Variants in PDE8A observed in about 807,000 individuals in gnomAD.
The protein encoded by PDE8A is phosphodiesterase 8A.
PDE8A carries 59 observed loss-of-function variants against 105.0 expected under a neutral mutation model. The observed-to-expected ratio is 0.56, with a 90% CI of 0.46 to 0.70. The LOEUF (loss-of-function observed/expected upper bound fraction) is 0.70. Ranked by LOEUF, PDE8A falls within the 30% of genes least tolerant of loss-of-function variation. The probability of loss-of-function intolerance (pLI) is 0.00; values close to 1 mark genes in which losing one functional copy is unlikely to be tolerated. For missense variants in PDE8A, 1,014 were observed against 1,045.9 expected, an observed-to-expected ratio of 0.97 and a Z score of 0.42; for synonymous variants, 355 against 371.9, an observed-to-expected ratio of 0.95 and a Z score of 0.52.
chr15:85,071,833 A>G (rs1365352736), intron 3 of PDE8A, among the ~76,000 whole-genome samples: 6 of 152,190 alleles, frequency 3.9e-5, no homozygotes, highest in African/African-American at 1.4e-4. Context: ...AAGTGCCACC[A>G]CATAATGAGG....
At chr15:85,067,278 A>C in intron 3 of PDE8A, 74 bp downstream of exon 3, 10 of 1,058,312 alleles carry the variant, frequency 9.4e-6, no homozygotes, top group Non-Finnish European at 1.4e-5. Context: ...AATAGATTAA[A>C]TTAGACTCAC....
chr15:84,980,851 CTGCAGCCTGCCCGGTGCTGTAGCTT>C (rs1206680172), upstream of PDE8A, among the ~76,000 whole-genome samples: 1 of 152,230 alleles, frequency 6.6e-6, no homozygotes, highest in African/African-American at 2.4e-5. Context: ...GGACGGGCGC[CTGCAGCCTGCCCGGTGCTGTAGCTT>C]TGCGGCCGCC....
chr15:84,990,648 G>T lies in PDE8A; in HGVS notation c.186+8300G>T, dbSNP rs772833287. Among the ~76,000 whole-genome samples the T allele has an allele frequency of 1.3e-4, 20 of 152,290 alleles. No individual in the cohort carries two copies. In the South Asian group the frequency reaches 2.5e-3, roughly 19 times the overall value. ...TCTTTTGTTATTGGATACTAGGGCTGTTTCTAATTTTTGGCTATTATGACT... is the reference window on the plus strand; with the variant it reads ...TCTTTTGTTATTGGATACTAGGGCTTTTTCTAATTTTTGGCTATTATGACT... On this transcript the variant is annotated intron_variant, in intron 1 of 21. Transcript: ENST00000394553.
chr15:85,043,307 C>T (rs1359909676), intron 1 of PDE8A, among the ~76,000 whole-genome samples: 1 of 152,142 alleles, frequency 6.6e-6, no homozygotes, highest in Non-Finnish European at 1.5e-5. Flanking sequence ...CTCCCTGGGG[C>T]AGCCTGTAGA....
At chr15:84,989,452 C>T (rs1046063846) in intron 1 of PDE8A, among the ~76,000 whole-genome samples, 1 of 152,164 alleles carries the variant, frequency 6.6e-6, no homozygotes, top group African/African-American at 2.4e-5. Flanking sequence ...TAGGATAACC[C>T]AAAGCGCTGG....
At chr15:84,981,744 C>T (rs937346646), upstream of PDE8A, among the ~76,000 whole-genome samples, 3 of 151,150 alleles carry the variant, frequency 2.0e-5, no homozygotes, top group Admixed American at 6.6e-5. Context: ...GAGCTCGCCT[C>T]CCCCGGGGGT....
intron 3 of PDE8A, 27 bp from the exon 4 acceptor site, chr15:85,075,835 A>G (rs769372211): frequency 1.6e-6 from 2 of 1,274,478 alleles, no homozygotes; most frequent in Admixed American, 4.1e-5. Context: ...TTTTATATTT[A>G]TTTTAAAGTT....
intron 20 of PDE8A, among the ~76,000 whole-genome samples, chr15:85,133,377 T>A (rs1306541186): frequency 1.3e-5 from 2 of 152,172 alleles, no homozygotes; most frequent in African/African-American, 4.8e-5. Context: ...GCCCACAGAC[T>A]TGTCAGAATG....
rs939779416 is a variant in PDE8A at position 85,138,218 on chromosome 15, TC to T, written c.*317del. The T allele has an allele frequency of 2.9e-5, 7 of 243,050 alleles. No homozygotes were observed. The highest frequency in any genetic ancestry group is 4.8e-5 in the Non-Finnish European group (6 of 125,924). 15.1% of individuals were successfully genotyped at this position (243,050 alleles called of 1,614,324 possible). A position where few individuals can be genotyped will look rare whatever the true frequency, so the allele number is the denominator to read the frequency against. On this transcript the variant is annotated 3_prime_UTR_variant, in exon 22 of 22. Transcript: ENST00000394553. ...CCCCTGCAAAGGGTATTGATGGACT[TC>T]CTGCCAGTGACAGAGCATGTCTATT...
chr15:85,094,198 C>T (rs77718466), intron 8 of PDE8A, among the ~76,000 whole-genome samples: 2,452 of 152,152 alleles, frequency 0.016, 36 homozygotes, highest in Non-Finnish European at 0.02. Flanking sequence ...TTCCCTCCCT[C>T]AGAAACTGTG....
chr15:85,045,485 T>TG (rs1465365220), intron 1 of PDE8A, among the ~76,000 whole-genome samples: 3 of 152,224 alleles, frequency 2.0e-5, no homozygotes, highest in African/African-American at 7.2e-5. Flanking sequence ...CTTCTCTGAG[T>TG]GTCAGCTTCT....
chr15:85,082,801 C>T (rs774777520), intron 5 of PDE8A, among the ~76,000 whole-genome samples: 6 of 152,218 alleles, frequency 3.9e-5, no homozygotes, highest in Non-Finnish European at 5.9e-5. Context: ...TTGAATAGAA[C>T]TATATGACAG....
At chr15:84,981,518 C>T (rs1303643086), upstream of PDE8A, among the ~76,000 whole-genome samples, 1 of 152,186 alleles carries the variant, frequency 6.6e-6, no homozygotes, top group Non-Finnish European at 1.5e-5. Flanking sequence ...CGTGGCCCGG[C>T]CGCTCCGAGG....
At chr15:85,048,273 ATATTT>A (rs1438301976) in intron 1 of PDE8A, among the ~76,000 whole-genome samples, 1 of 152,122 alleles carries the variant, frequency 6.6e-6, no homozygotes, top group Non-Finnish European at 1.5e-5. Context: ...CTTTAGGAAT[ATATTT>A]TAAGGGTTTT....
chr15:85,012,780 T>G (rs2080262625), intron 1 of PDE8A, among the ~76,000 whole-genome samples: 1 of 152,194 alleles, frequency 6.6e-6, no homozygotes, highest in African/African-American at 2.4e-5. Flanking sequence ...ATTAGGGCTT[T>G]CTTTTTAAGA....
intron 11 of PDE8A, among the ~76,000 whole-genome samples, chr15:85,106,347 C>G (rs1031796017): frequency 1.3e-5 from 2 of 152,134 alleles, no homozygotes; most frequent in Non-Finnish European, 1.5e-5. Context: ...TACTGTAACT[C>G]CTAGTTTACC....
At chr15:85,108,941 G>T in intron 11 of PDE8A, 112 bp from the exon 12 acceptor site, 1 of 688,820 alleles carries the variant, frequency 1.5e-6, no homozygotes, top group East Asian at 2.6e-5. Context: ...TTACTTTTGT[G>T]GCATTTAAAA....
intron 1 of PDE8A, chr15:85,064,077 G>A (rs67428966): frequency 0.057 from 16,457 of 290,524 alleles, 1,844 homozygotes; most frequent in African/African-American, 0.28. Context: ...GAGAAGTTGA[G>A]GCTGAGGAAG....
chr15:85,117,381 A>G (rs967152185), intron 16 of PDE8A, among the ~76,000 whole-genome samples: 14 of 152,138 alleles, frequency 9.2e-5, no homozygotes, highest in African/African-American at 3.1e-4. Flanking sequence ...AACTCCCCCC[A>G]ACAAATCGGG....
Sources: allele counts gnomAD v4.1 joint callset (sites outside exome capture counted in the v4.1 genomes callset), GRCh38; gene constraint gnomAD v4.1.1; transcripts MANE v1.5; gene names NCBI Gene and HGNC (gene_info 2026-07-23, HGNC 2026-07-21).